LEPR: variants seen among roughly 807,000 people sequenced by gnomAD.
LEPR encodes leptin receptor, also known as OB receptor.
In LEPR, 56 loss-of-function variants were observed where a neutral mutation model predicts 114.7. That is an observed-to-expected ratio of 0.49 (90% CI 0.39 to 0.61). LEPR has a LOEUF of 0.61. Among genes scored for constraint, LEPR ranks in the 20% least tolerant of loss-of-function variants. The pLI is 0.00. For synonymous variants in LEPR, 443 were observed against 461.4 expected, an observed-to-expected ratio of 0.96 and a Z score of 0.51; for missense variants, 1,202 against 1,352.9, an observed-to-expected ratio of 0.89 and a Z score of 1.75.
At chr1:65,532,291 C>T (rs1299746644) in intron 2 of LEPR, among the ~76,000 whole-genome samples, 1 of 152,168 alleles carries the variant, frequency 6.6e-6, no homozygotes, top group Non-Finnish European at 1.5e-5. Context: ...CTCCATCATT[C>T]TGTAACTGTA....
intron 10 of LEPR, among the ~76,000 whole-genome samples, chr1:65,603,617 G>A (rs999908050): frequency 1.3e-5 from 2 of 151,572 alleles, no homozygotes; most frequent in African/African-American, 2.4e-5. Context: ...GGGCCCCCAT[G>A]TGGACTAGGA....
chr1:65,475,006 CAAAAA>C (rs1325552861), intron 2 of LEPR, among the ~76,000 whole-genome samples: 1 of 23,938 alleles, frequency 4.2e-5, no homozygotes, highest in East Asian at 1.4e-3. Flanking sequence ...GACTCCATCT[CAAAAA>C]AAAAAAAAAA....
At chr1:65,605,891 T>C (rs1656777542) in intron 11 of LEPR, among the ~76,000 whole-genome samples, 1 of 152,180 alleles carries the variant, frequency 6.6e-6, no homozygotes, top group South Asian at 2.1e-4. Context: ...TATGTATAAC[T>C]AAGGAAGCTT....
chr1:65,444,853 CAATT>C (rs1249675076), intron 2 of LEPR, among the ~76,000 whole-genome samples: 1 of 152,140 alleles, frequency 6.6e-6, no homozygotes, highest in Admixed American at 6.5e-5. Context: ...AAAACTGTGT[CAATT>C]AGGTCCATAT....
intron 2 of LEPR, among the ~76,000 whole-genome samples, chr1:65,552,544 T>A (rs2767482): frequency 6.6e-6 from 1 of 151,882 alleles, no homozygotes; most frequent in Non-Finnish European, 1.5e-5. Context: ...TTTTCTTTTT[T>A]GCTTTCCATT....
intron 2 of LEPR, among the ~76,000 whole-genome samples, chr1:65,550,750 C>G (rs998994727): frequency 1.3e-5 from 2 of 152,170 alleles, no homozygotes; most frequent in Non-Finnish European, 2.9e-5. Context: ...AAAGGGAACT[C>G]CCTGACCCCT....
At chr1:65,626,020 C>A in intron 19 of LEPR, 8 of 1,005,402 alleles carry the variant, frequency 8.0e-6, no homozygotes, top group Admixed American at 2.0e-5. Flanking sequence ...CTATGGACCA[C>A]CATGAAGTGG....
chr1:65,631,646 C>CAG (rs1658527828), intron 19 of LEPR, among the ~76,000 whole-genome samples: 1 of 152,138 alleles, frequency 6.6e-6, no homozygotes, highest in South Asian at 2.1e-4. Flanking sequence ...CATCTTGAAT[C>CAG]AGAATACCAT....
chr1:65,629,741 T>C (rs1365561286), intron 19 of LEPR, among the ~76,000 whole-genome samples: 6 of 151,390 alleles, frequency 4.0e-5, no homozygotes, highest in Non-Finnish European at 8.8e-5. Context: ...CCTCCCATTA[T>C]ATAATCTATG....
chr1:65,502,563 A>T (rs1223396846), intron 2 of LEPR, among the ~76,000 whole-genome samples: 2 of 152,116 alleles, frequency 1.3e-5, no homozygotes. Context: ...GTTCTAGCGG[A>T]TGGAGAAAGG....
At chr1:65,451,163 G>T (rs541461267) in intron 2 of LEPR, among the ~76,000 whole-genome samples, 2 of 152,290 alleles carry the variant, frequency 1.3e-5, no homozygotes, top group East Asian at 3.9e-4. Context: ...GTTCATTGTA[G>T]ATTCTGGATA....
At chr1:65,478,877 T>A (rs1647186816) in intron 2 of LEPR, among the ~76,000 whole-genome samples, 1 of 152,122 alleles carries the variant, frequency 6.6e-6, no homozygotes, top group Non-Finnish European at 1.5e-5. Flanking sequence ...AACCTGGAGT[T>A]TGAGTAGGTC....
intron 2 of LEPR, among the ~76,000 whole-genome samples, chr1:65,558,538 GTTTTTTTTTTGTTT>G (rs1653027867): frequency 2.2e-4 from 2 of 9,112 alleles, no homozygotes; most frequent in African/African-American, 5.0e-4. Context: ...TTTTTTTTTT[GTTTTTTTTTTGTTT>G]TTTTTTTTTT....
intron 10 of LEPR, among the ~76,000 whole-genome samples, chr1:65,603,350 T>TTC (rs1240387745): frequency 8.1e-6 from 1 of 123,936 alleles, no homozygotes; most frequent in East Asian, 5.2e-4. Context: ...CCACCATTTA[T>TTC]TCACACACAC....
chr1:65,595,889 T>A (rs1302938767), intron 6 of LEPR, among the ~76,000 whole-genome samples: 1 of 152,102 alleles, frequency 6.6e-6, no homozygotes, highest in African/African-American at 2.4e-5. Context: ...AGAAACTTCA[T>A]CCCTACTTCT....
intron 2 of LEPR, chr1:65,431,857 A>G: frequency 2.5e-6 from 4 of 1,614,118 alleles, no homozygotes; most frequent in Non-Finnish European, 3.4e-6. Flanking sequence ...CATTTTCCTT[A>G]CAATTCAAGG....
intron 2 of LEPR, chr1:65,525,985 C>CG: frequency 1.3e-6 from 1 of 753,518 alleles, no homozygotes; most frequent in Non-Finnish European, 1.6e-6. Flanking sequence ...GGCCAGCGCC[C>CG]GGCGGGCGGC....
intron 17 of LEPR, among the ~76,000 whole-genome samples, chr1:65,620,670 C>T (rs914042305): frequency 1.3e-5 from 2 of 152,084 alleles, no homozygotes; most frequent in African/African-American, 4.8e-5. Flanking sequence ...TACAGTAAGA[C>T]CCTACTTGAT....
intron 9 of LEPR, 59 bp downstream of exon 9, chr1:65,601,741 C>G (rs951145701): frequency 6.2e-7 from 1 of 1,609,696 alleles, no homozygotes; most frequent in African/African-American, 1.3e-5. Context: ...ATTATGGACC[C>G]TCCTTATATT....
Sources: allele counts gnomAD v4.1 joint callset (sites outside exome capture counted in the v4.1 genomes callset), GRCh38; gene constraint gnomAD v4.1.1; transcripts MANE v1.5; gene names NCBI Gene and HGNC (gene_info 2026-07-23, HGNC 2026-07-21).